The following PDZRN4 variants were observed in gnomAD, a reference collection of about 807,000 sequenced individuals.
PDZRN4 encodes the protein PDZ domain-containing RING finger protein 4.
PDZRN4 carries 70 observed loss-of-function variants against 99.0 expected under a neutral mutation model. That is an observed-to-expected ratio of 0.71 (90% CI 0.58 to 0.86). PDZRN4 has a LOEUF of 0.86. Ranked by LOEUF, PDZRN4 falls within the 40% of genes least tolerant of loss-of-function variation. PDZRN4 has a pLI of 0.00. For missense variants in PDZRN4, 1,474 were observed against 1,331.2 expected (o/e 1.11, Z -1.67); for synonymous variants, 551 against 501.6 (o/e 1.10, Z -1.32).
intron 3 of PDZRN4, chr12:41,409,912 C>T (rs923776351): frequency 6.6e-6 from 1 of 152,210 alleles, no homozygotes; most frequent in Admixed American, 6.5e-5. Flanking sequence ...TATTAGAATT[C>T]TCTCTGAGTC....
At chr12:41,452,297 G>A (rs931021978) in intron 3 of PDZRN4, among the ~76,000 whole-genome samples, 2 of 151,302 alleles carry the variant, frequency 1.3e-5, no homozygotes, top group African/African-American at 2.4e-5. Flanking sequence ...AAATTAGCCA[G>A]TCGTGGTGGC....
rs565383504 is a variant in PDZRN4 at position 41,569,588 on chromosome 12, A to T, written c.1584+1689A>T. On this transcript the variant is annotated intron_variant, in intron 9 of 9. Coordinates refer to ENST00000402685, the MANE Select transcript of PDZRN4 (RefSeq NM_001164595.2). Reference sequence around the variant, plus strand: ...AATTCTTAACACATCTTAAAAGATGATAATTTTTTTGAAAATCTTGACAGG... The same window carrying T: ...AATTCTTAACACATCTTAAAAGATGTTAATTTTTTTGAAAATCTTGACAGG... Among the ~76,000 whole-genome samples the T allele has an allele frequency of 5.3e-5, 8 of 152,288 alleles. No homozygotes were observed. In the East Asian group the frequency reaches 1.4e-3, roughly 26 times the overall value.
chr12:41,563,454 C>A, intron 7 of PDZRN4, 94 bp from the exon 8 acceptor site: 1 of 896,240 alleles, frequency 1.1e-6, no homozygotes, highest in Non-Finnish European at 1.8e-6. Context: ...CTTCATTGTC[C>A]ATACATTTAC....
chr12:41,439,530 T>C (rs952706439), intron 3 of PDZRN4, among the ~76,000 whole-genome samples: 4 of 152,282 alleles, frequency 2.6e-5, no homozygotes, highest in African/African-American at 9.6e-5. Context: ...TAGGTTAAGC[T>C]GTTTATATTC....
intron 3 of PDZRN4, among the ~76,000 whole-genome samples, chr12:41,415,948 A>C (rs1017352781): frequency 6.6e-6 from 1 of 152,186 alleles, no homozygotes; most frequent in African/African-American, 2.4e-5. Context: ...TTAAATTTTA[A>C]ATAGAATGAA....
chr12:41,310,174 C>G (rs552082827), intron 3 of PDZRN4, among the ~76,000 whole-genome samples: 88 of 152,244 alleles, frequency 5.8e-4, no homozygotes, highest in African/African-American at 2.0e-3. Flanking sequence ...CTCAAGCGAT[C>G]CACCCGCCTT....
At chr12:41,342,173 C>T (rs774667956) in intron 3 of PDZRN4, among the ~76,000 whole-genome samples, 1 of 151,810 alleles carries the variant, frequency 6.6e-6, no homozygotes, top group Non-Finnish European at 1.5e-5. Flanking sequence ...TCAGCCCCTA[C>T]GTCTCACCAT....
At chr12:41,293,564 G>C (rs564597234) in intron 3 of PDZRN4, among the ~76,000 whole-genome samples, 1 of 152,098 alleles carries the variant, frequency 6.6e-6, no homozygotes, top group South Asian at 2.1e-4. Flanking sequence ...ATCTTTAACT[G>C]TTCTCCTCCT....
chr12:41,435,532 TA>T (rs1379355434), intron 3 of PDZRN4, among the ~76,000 whole-genome samples: 1 of 152,222 alleles, frequency 6.6e-6, no homozygotes, highest in Non-Finnish European at 1.5e-5. Flanking sequence ...CTCACGCCTG[TA>T]ATCCCAGCAC....
At chr12:41,223,496 G>T (rs1313122760) in intron 3 of PDZRN4, among the ~76,000 whole-genome samples, 1 of 152,124 alleles carries the variant, frequency 6.6e-6, no homozygotes, top group Non-Finnish European at 1.5e-5. Flanking sequence ...AAATCCTGTA[G>T]ACACAGAATA....
At position 41,224,691 on chromosome 12, in the gene PDZRN4, T is replaced by C. The variant is rs1950981182; in HGVS notation, c.843+30503T>C. On this transcript the variant is annotated intron_variant, in intron 3 of 9. Coordinates refer to ENST00000402685, the MANE Select transcript of PDZRN4 (RefSeq NM_001164595.2). ...TGAGTTTGTGTCTTAGAGTAATTTA[T>C]CTACTTTAATCCTAGAGATGGGACA... Among the ~76,000 whole-genome samples, 6 of 152,328 alleles carry C rather than the reference T, an allele frequency of 3.9e-5. No individual in the cohort carries two copies. The South Asian group carries it at 1.2e-3, about 32-fold the overall frequency.
chr12:41,300,572 G>A (rs1897231), intron 3 of PDZRN4, among the ~76,000 whole-genome samples: 30,237 of 151,476 alleles, frequency 0.2, 3,109 homozygotes, highest in African/African-American at 0.24. Flanking sequence ...TTCCCTTGTG[G>A]TCATTATCTC....
At chr12:41,556,193 G>C (rs1246822303) in intron 7 of PDZRN4, among the ~76,000 whole-genome samples, 1 of 152,258 alleles carries the variant, frequency 6.6e-6, no homozygotes. Context: ...AGCAGCAGCA[G>C]TTATTGCTGC....
intron 3 of PDZRN4, among the ~76,000 whole-genome samples, chr12:41,324,150 A>G (rs986066320): frequency 6.6e-6 from 1 of 152,098 alleles, no homozygotes; most frequent in Non-Finnish European, 1.5e-5. Flanking sequence ...AATAAAACAT[A>G]TCTAAATAAA....
intron 3 of PDZRN4, among the ~76,000 whole-genome samples, chr12:41,195,013 C>A (rs937150842): frequency 7.2e-5 from 11 of 152,058 alleles, no homozygotes; most frequent in Admixed American, 6.5e-4. Flanking sequence ...AAGAGAAATA[C>A]CTTTTTTTCT....
chr12:41,413,310 A>G (rs1438011166), intron 3 of PDZRN4, among the ~76,000 whole-genome samples: 1 of 152,184 alleles, frequency 6.6e-6, no homozygotes, highest in African/African-American at 2.4e-5. Context: ...GTGGGAGCTA[A>G]AAGAATATTT....
At chr12:41,518,302 A>G (rs914798274) in intron 5 of PDZRN4, among the ~76,000 whole-genome samples, 1 of 152,114 alleles carries the variant, frequency 6.6e-6, no homozygotes, top group African/African-American at 2.4e-5. Context: ...TTCAGATCCA[A>G]AATACAATTT....
chr12:41,306,222 G>A (rs1472156711), intron 3 of PDZRN4, among the ~76,000 whole-genome samples: 1 of 152,166 alleles, frequency 6.6e-6, no homozygotes, highest in Non-Finnish European at 1.5e-5. Context: ...CTCTGTGGTA[G>A]CCCTGGCTAT....
intron 9 of PDZRN4, among the ~76,000 whole-genome samples, chr12:41,570,926 G>A (rs1253813959): frequency 2.0e-5 from 3 of 152,066 alleles, no homozygotes; most frequent in Admixed American, 2.0e-4. Flanking sequence ...GCTGATACAT[G>A]GTTATGTTCT....
Sources: allele counts gnomAD v4.1 joint callset (sites outside exome capture counted in the v4.1 genomes callset), GRCh38; gene constraint gnomAD v4.1.1; transcripts MANE v1.5; gene names NCBI Gene and HGNC (gene_info 2026-07-23, HGNC 2026-07-21).